Variants in FAAH2 observed in about 807,000 individuals in gnomAD.
The protein encoded by FAAH2 is fatty-acid amide hydrolase 2.
In FAAH2, 60 loss-of-function variants were observed where a neutral mutation model predicts 36.9. That is an observed-to-expected ratio of 1.63 (90% CI 1.32 to 2.02). FAAH2 has a LOEUF of 2.02. Ranked by LOEUF, FAAH2 falls within the 30% of genes most tolerant of loss-of-function variation. FAAH2 has a pLI of 0.00. For synonymous variants in FAAH2, 214 were observed against 143.8 expected (o/e 1.49, Z -3.49); for missense variants, 689 against 397.5 (o/e 1.73, Z -6.23).
At chrX:57,158,859 T>A in the FAAH2 span, among the ~76,000 whole-genome samples, 20 of 112,204 alleles carry the variant, frequency 1.8e-4, no homozygotes, top group African/African-American at 6.1e-4. Flanking sequence ...TTAGATCCCA[T>A]TTGTCAATTT....
chrX:57,335,351 C>T (rs887815209), intron 4 of FAAH2, among the ~76,000 whole-genome samples: 5 of 111,854 alleles, frequency 4.5e-5, no homozygotes, highest in East Asian at 2.8e-4. Context: ...CAGCGTTTCC[C>T]GGAGAGGGGG....
the FAAH2 span, among the ~76,000 whole-genome samples, chrX:57,144,449 T>G: frequency 2.0e-4 from 22 of 108,751 alleles, no homozygotes; most frequent in East Asian, 5.7e-4. Flanking sequence ...ACTCTGTGGG[T>G]TTTTTTTTCC....
chrX:57,173,753 G>A, the FAAH2 span, among the ~76,000 whole-genome samples: 1 of 111,731 alleles, frequency 9.0e-6, no homozygotes, highest in Non-Finnish European at 1.9e-5. Context: ...TATATGGCTA[G>A]TTTGTTGACA....
At chrX:57,447,084 T>A in intron 9 of FAAH2, 45 bp downstream of exon 9, 2 of 929,342 alleles carry the variant, frequency 2.2e-6, no homozygotes, top group African/African-American at 4.0e-5. Context: ...TGTCCTGTAA[T>A]ATTTCTTAAT....
chrX:57,260,446 T>A, the FAAH2 span, among the ~76,000 whole-genome samples: 78 of 111,953 alleles, frequency 7.0e-4, 1 homozygote, highest in Non-Finnish European at 1.3e-3. Context: ...CTAAAAACTA[T>A]CAAAAGTGTA....
chrX:57,335,008 T>C lies in FAAH2; in HGVS notation c.622+3201T>C, dbSNP rs751388039. Among the ~76,000 whole-genome samples, 17 of 111,817 alleles carry C rather than the reference T, an allele frequency of 1.5e-4. No homozygotes were observed. The South Asian group carries it at 6.4e-3, about 42-fold the overall frequency. The stretch of plus-strand genomic sequence containing the variant: ...CTCTGGATCAAGTGGACCTAATAGA[T>C]ATCTACAGAACTCTCCACCCCCAAA... On this transcript the variant is annotated intron_variant, in intron 4 of 10. Coordinates refer to ENST00000374900, the MANE Select transcript of FAAH2 (RefSeq NM_174912.4).
chrX:57,146,792 C>G, the FAAH2 span, among the ~76,000 whole-genome samples: 2 of 111,755 alleles, frequency 1.8e-5, no homozygotes, highest in Admixed American at 1.9e-4. Context: ...TGGCTTTTGT[C>G]AAATGCTTTT....
At chrX:57,424,143 T>C (rs1243867863) in intron 7 of FAAH2, among the ~76,000 whole-genome samples, 2 of 111,875 alleles carry the variant, frequency 1.8e-5, no homozygotes, top group Non-Finnish European at 3.8e-5. Flanking sequence ...CTGAGGCTAT[T>C]TATGACTAAG....
chrX:57,272,862 C>T, the FAAH2 span, among the ~76,000 whole-genome samples: 1 of 111,959 alleles, frequency 8.9e-6, no homozygotes, highest in South Asian at 3.7e-4. Flanking sequence ...CAACATCCAG[C>T]AAAACAACCA....
intron 7 of FAAH2, among the ~76,000 whole-genome samples, chrX:57,401,455 G>C (rs2055433307): frequency 9.0e-6 from 1 of 111,653 alleles, no homozygotes; most frequent in South Asian, 3.8e-4. Context: ...TCTGACATTT[G>C]GGAAAGCAGA....
At chrX:57,418,427 C>T (rs962143572) in intron 7 of FAAH2, among the ~76,000 whole-genome samples, 6 of 110,952 alleles carry the variant, frequency 5.4e-5, no homozygotes, top group African/African-American at 9.8e-5. Context: ...TATCTGGGGC[C>T]GTATTGCACC....
At chrX:57,233,638 GTTTTC>G in the FAAH2 span, among the ~76,000 whole-genome samples, 1 of 111,261 alleles carries the variant, frequency 9.0e-6, no homozygotes, top group South Asian at 3.8e-4. Context: ...TTTTTGTTTT[GTTTTC>G]TTTTGTTTTG....
chrX:57,161,865 A>G, the FAAH2 span, among the ~76,000 whole-genome samples: 32 of 111,203 alleles, frequency 2.9e-4, no homozygotes, highest in African/African-American at 1.0e-3. Flanking sequence ...TTTACATTTA[A>G]AGTTAATATT....
the FAAH2 span, among the ~76,000 whole-genome samples, chrX:57,189,791 CAGCCAG>C: frequency 2.7e-5 from 3 of 111,839 alleles, no homozygotes; most frequent in Non-Finnish European, 5.6e-5. Context: ...AGCCCGATGC[CAGCCAG>C]AGCTCTCTTG....
the FAAH2 span, among the ~76,000 whole-genome samples, chrX:57,190,412 G>A: frequency 1.0e-5 from 1 of 98,023 alleles, no homozygotes; most frequent in African/African-American, 3.8e-5. Context: ...AAACAGTTTT[G>A]TCTCGCTTGG....
the FAAH2 span, among the ~76,000 whole-genome samples, chrX:57,192,060 G>T: frequency 3.6e-5 from 4 of 111,477 alleles, no homozygotes; most frequent in African/African-American, 1.3e-4. Context: ...GATTGCTTTG[G>T]GTAATATGGA....
chrX:57,424,236 A>G (rs2056106314), intron 7 of FAAH2, among the ~76,000 whole-genome samples: 1 of 112,345 alleles, frequency 8.9e-6, no homozygotes, highest in African/African-American at 3.2e-5. Context: ...ACGTGAGGAC[A>G]GGTTTGCCTC....
At chrX:57,250,338 C>A in the FAAH2 span, among the ~76,000 whole-genome samples, 1 of 111,344 alleles carries the variant, frequency 9.0e-6, no homozygotes, top group African/African-American at 3.3e-5. Flanking sequence ...TTTGTAATGG[C>A]ATCAGTAAGA....
chrX:57,302,298 A>G (rs1277236846), intron 2 of FAAH2, among the ~76,000 whole-genome samples: 1 of 112,042 alleles, frequency 8.9e-6, no homozygotes, highest in Non-Finnish European at 1.9e-5. Context: ...TAAAGGGGAA[A>G]ATAATATGGA....
Sources: allele counts gnomAD v4.1 joint callset (sites outside exome capture counted in the v4.1 genomes callset), GRCh38; gene constraint gnomAD v4.1.1; transcripts MANE v1.5; gene names NCBI Gene and HGNC (gene_info 2026-07-23, HGNC 2026-07-21).